Variants in DDX50 observed in about 807,000 individuals in gnomAD.
DDX50 encodes DExD-box helicase 50, also known as ATP-dependent RNA helicase DDX50.
A neutral mutation model predicts 94.8 loss-of-function variants in DDX50; 56 were observed. The ratio of observed to expected loss-of-function variants is 0.59; its 90% CI spans 0.48 to 0.74. The LOEUF is 0.74. DDX50 is among the 30% of genes least tolerant of loss of function. The pLI is 0.00. For synonymous variants in DDX50, 264 were observed against 295.4 expected (o/e 0.89, Z 1.09); for missense variants, 713 against 881.2 (o/e 0.81, Z 2.42).
intron 12 of DDX50, among the ~76,000 whole-genome samples, chr10:68,939,764 C>G (rs1842512690): frequency 6.6e-6 from 1 of 152,144 alleles, no homozygotes; most frequent in African/African-American, 2.4e-5. Context: ...ACTCTTTGTT[C>G]CCTAAGCCCT....
chr10:68,925,752 G>A (rs541987964), intron 8 of DDX50, among the ~76,000 whole-genome samples: 87 of 152,142 alleles, frequency 5.7e-4, no homozygotes, highest in African/African-American at 2.0e-3. Flanking sequence ...AATGGCTCAC[G>A]CCTGTAATCC....
intron 8 of DDX50, among the ~76,000 whole-genome samples, chr10:68,929,049 A>G (rs1799192892): frequency 6.6e-6 from 1 of 151,936 alleles, no homozygotes; most frequent in Non-Finnish European, 1.5e-5. Flanking sequence ...CCTGGGTTCA[A>G]GCGATTCTCC....
At chr10:68,936,350 G>T (rs561086996) in intron 11 of DDX50, among the ~76,000 whole-genome samples, 8 of 150,926 alleles carry the variant, frequency 5.3e-5, no homozygotes, top group East Asian at 1.9e-4. Flanking sequence ...TTAGCCAGGC[G>T]TGGTGGTGGG....
chr10:68,907,985 A>G (rs1293543479), intron 2 of DDX50, among the ~76,000 whole-genome samples: 1 of 152,234 alleles, frequency 6.6e-6, no homozygotes, highest in African/African-American at 2.4e-5. Flanking sequence ...GCAGAGCTGT[A>G]TGAATAAGTA....
rs1323061578 is a variant in DDX50, at chr10:68,910,359, A to G, written c.437A>G (p.Glu146Gly). ...EGAFSNFPIS[E>G]ETIKLLKGRG... Reference sequence around the variant, plus strand: ...GCCTTCTCCAATTTTCCTATTTCTGAAGAGACTATAAAGCTTCTGAAAGGT... The same window carrying G: ...GCCTTCTCCAATTTTCCTATTTCTGGAGAGACTATAAAGCTTCTGAAAGGT... The change falls in exon 3 of 15, where the codon GAA becomes GGA. Residue 146 changes from glutamate to glycine, a missense_variant. Around this residue, in one of 2 missense-constraint regions of DDX50, gnomAD observed 285 missense variants for 278.9 expected, o/e 1.02. Coordinates refer to ENST00000373585, the MANE Select transcript of DDX50 (RefSeq NM_024045.2). 1 of 1,605,936 alleles carries G rather than the reference A, an allele frequency of 6.2e-7. No homozygotes were observed. The highest frequency in any genetic ancestry group is 1.3e-5 in the African/African-American group (1 of 74,176).
At chr10:68,918,581 G>A (rs1841865201) in intron 7 of DDX50, among the ~76,000 whole-genome samples, 1 of 151,628 alleles carries the variant, frequency 6.6e-6, no homozygotes, top group Non-Finnish European at 1.5e-5. Context: ...GACTACAGGT[G>A]CCCATGACTA....
At chr10:68,942,621 CT>C (rs11400853) in intron 13 of DDX50, among the ~76,000 whole-genome samples, 8 of 148,700 alleles carry the variant, frequency 5.4e-5, no homozygotes, top group Admixed American at 6.7e-5. Context: ...CAGCTTTTTT[CT>C]TTTTTTTTTG....
intron 1 of DDX50, among the ~76,000 whole-genome samples, chr10:68,902,247 C>T (rs934050586): frequency 1.4e-5 from 2 of 145,248 alleles, no homozygotes; most frequent in African/African-American, 5.0e-5. Flanking sequence ...CTCAGAGGAT[C>T]ACAAGGTGCT....
rs951896879 is a variant in DDX50, at chr10:68,937,023, A to G, written c.1683A>G (p.Ala561=). 6.2e-7 allele frequency: 1 copy of G among 1,612,668 alleles called. No homozygotes were observed. Among genetic ancestry groups the G allele is most frequent in the Non-Finnish European group, 8.5e-7 (1 of 1,179,984 alleles). The change falls in exon 12 of 15, where the codon GCA becomes GCG. Residue 561 remains alanine (A), a synonymous_variant. Coordinates refer to ENST00000373585, the MANE Select transcript of DDX50 (RefSeq NM_024045.2). Reference sequence around the variant, plus strand: ...TAGAAGAGAAAGGTGCAGTGGATGCATTGGCTGCAGCTTTAGCCCACATTT... The same window carrying G: ...TAGAAGAGAAAGGTGCAGTGGATGCGTTGGCTGCAGCTTTAGCCCACATTT... ...RLIEEKGAVD[A]LAAALAHISG...
chr10:68,903,847 G>A (rs1247937961), intron 1 of DDX50, among the ~76,000 whole-genome samples: 3 of 149,580 alleles, frequency 2.0e-5, no homozygotes, highest in Non-Finnish European at 3.0e-5. Context: ...GTGGTGGCGC[G>A]TGCCTGTAAT....
chr10:68,916,971 C>T (rs897425135), intron 7 of DDX50, among the ~76,000 whole-genome samples: 2 of 150,798 alleles, frequency 1.3e-5, no homozygotes, highest in African/African-American at 2.4e-5. Flanking sequence ...CAGGCGTGAG[C>T]CACTGCGCCT....
chr10:68,916,078 G>T (rs773147920), intron 7 of DDX50, among the ~76,000 whole-genome samples: 1 of 152,132 alleles, frequency 6.6e-6, no homozygotes, highest in Non-Finnish European at 1.5e-5. Flanking sequence ...TTTGTGGGCC[G>T]GGCGTGGTAG....
At chr10:68,913,984 C>A in intron 6 of DDX50, 75 bp from the exon 7 acceptor site, 1 of 1,322,330 alleles carries the variant, frequency 7.6e-7, no homozygotes, top group Non-Finnish European at 1.0e-6. Context: ...TTTTTTGAAG[C>A]TTGGGAGGAT....
chr10:68,907,317 C>CTTTTTTTTTTTTT (rs59316500), intron 2 of DDX50, among the ~76,000 whole-genome samples: 7 of 130,482 alleles, frequency 5.4e-5, no homozygotes, highest in East Asian at 2.2e-4. Context: ...TTTCTTTTTT[C>CTTTTTTTTTTTTT]TTTTTTTTTT....
intron 7 of DDX50, among the ~76,000 whole-genome samples, chr10:68,914,426 C>T (rs932337016): frequency 1.3e-5 from 2 of 152,112 alleles, no homozygotes; most frequent in Non-Finnish European, 2.9e-5. Flanking sequence ...ATAGGAAACA[C>T]ACAAGCAGCC....
rs1842188725 is a variant in DDX50, at chr10:68,929,387, TTTCCTTTCTTTCCTTTCTTCC to T, written c.1240-4796_1240-4776del. 2.0e-5 allele frequency among the ~76,000 whole-genome samples: 3 copies of T among 150,672 alleles called. No homozygotes were observed. The Admixed American group carries it at 2.0e-4, about 10-fold the overall frequency. On this transcript the variant is annotated intron_variant, in intron 8 of 14. Transcript: ENST00000373585. ...TCCTTCCTTTCCTTTCTTTCCTTCC[TTTCCTTTCTTTCCTTTCTTCC>T]TTCCTTTCTTTCCTTCTTTTCTTTC...
intron 7 of DDX50, among the ~76,000 whole-genome samples, chr10:68,914,760 G>T (rs1181159332): frequency 2.0e-5 from 3 of 152,214 alleles, no homozygotes; most frequent in East Asian, 1.9e-4. Context: ...GGTGGCTCAC[G>T]CCTGTAATCC....
At chr10:68,924,231 C>T (rs1463423550) in intron 8 of DDX50, among the ~76,000 whole-genome samples, 2 of 151,964 alleles carry the variant, frequency 1.3e-5, no homozygotes, top group African/African-American at 4.8e-5. Flanking sequence ...CTAGGCCTCC[C>T]AAAGTGCTGG....
At chr10:68,920,121 T>C in intron 8 of DDX50, 140 bp downstream of exon 8, 1 of 970,582 alleles carries the variant, frequency 1.0e-6, no homozygotes, top group Non-Finnish European at 1.6e-6. Flanking sequence ...GGCCCACACC[T>C]GTAATCCTGT....
Sources: gnomAD v4.1 joint callset for allele counts (sites outside exome capture counted in the v4.1 genomes callset) on GRCh38, gnomAD v4.1.1 for gene constraint, gnomAD v4.1.1 regional missense constraint, MANE v1.5 for transcripts, NCBI Gene and HGNC (gene_info 2026-07-23, HGNC 2026-07-21) for gene names.